ERC2: variants seen among roughly 807,000 people sequenced by gnomAD.
The protein encoded by ERC2 is ERC protein 2.
In ERC2, 42 loss-of-function variants were observed where a neutral mutation model predicts 114.8. The observed-to-expected ratio is 0.37, with a 90% CI of 0.29 to 0.47. The LOEUF (loss-of-function observed/expected upper bound fraction) is 0.47. ERC2 is among the 20% of genes least tolerant of loss of function. The pLI is 0.99. For synonymous variants in ERC2, 454 were observed against 425.5 expected, an observed-to-expected ratio of 1.07 and a Z score of -0.82; for missense variants, 939 against 1,150.7, an observed-to-expected ratio of 0.82 and a Z score of 2.66.
At chr3:56,001,643 TC>T (rs1395360448) in intron 10 of ERC2, among the ~76,000 whole-genome samples, 1 of 152,128 alleles carries the variant, frequency 6.6e-6, no homozygotes, top group Non-Finnish European at 1.5e-5. Context: ...CACTGATATT[TC>T]TAGAAATGGT....
intron 17 of ERC2, among the ~76,000 whole-genome samples, 184 bp from the exon 18 acceptor site, chr3:55,511,460 C>T (rs939422419): frequency 6.6e-6 from 1 of 152,094 alleles, no homozygotes. Context: ...ACAAAGGAAA[C>T]AGAAAGATAA....
intron 3 of ERC2, among the ~76,000 whole-genome samples, chr3:56,276,548 A>G (rs748488983): frequency 3.3e-5 from 5 of 151,838 alleles, no homozygotes; most frequent in Non-Finnish European, 7.4e-5. Context: ...AATATTTTTG[A>G]CTAAAGTAAC....
intron 2 of ERC2, among the ~76,000 whole-genome samples, chr3:56,402,696 C>G (rs2060566098): frequency 6.6e-6 from 1 of 152,162 alleles, no homozygotes. Context: ...ATTGTTTTAA[C>G]CTACACATAT....
At chr3:55,770,443 A>G (rs778505023) in intron 14 of ERC2, among the ~76,000 whole-genome samples, 2 of 152,214 alleles carry the variant, frequency 1.3e-5, no homozygotes, top group Non-Finnish European at 2.9e-5. Context: ...AATTGGTAAC[A>G]TCAGAGCTGT....
chr3:56,043,339 A>G (rs2075293908), intron 7 of ERC2, among the ~76,000 whole-genome samples: 1 of 152,210 alleles, frequency 6.6e-6, no homozygotes, highest in Admixed American at 6.5e-5. Context: ...CATTGAACAG[A>G]AAATGATTAA....
At chr3:55,832,534 T>C (rs1349511315) in intron 14 of ERC2, among the ~76,000 whole-genome samples, 1 of 152,228 alleles carries the variant, frequency 6.6e-6, no homozygotes, top group East Asian at 1.9e-4. Context: ...CCAACAGACC[T>C]GCAGCTGAGG....
intron 3 of ERC2, among the ~76,000 whole-genome samples, chr3:56,253,252 C>A (rs1052880762): frequency 6.6e-6 from 1 of 151,994 alleles, no homozygotes; most frequent in Non-Finnish European, 1.5e-5. Flanking sequence ...ACAAGTAATC[C>A]CAGCTTGGTA....
chr3:56,164,636 GT>G (rs2082231131), intron 4 of ERC2, among the ~76,000 whole-genome samples: 1 of 152,018 alleles, frequency 6.6e-6, no homozygotes, highest in Non-Finnish European at 1.5e-5. Context: ...AGGTCATGTG[GT>G]AACTCTATGT....
chr3:56,364,805 T>C (rs1422149547), intron 2 of ERC2, among the ~76,000 whole-genome samples: 1 of 152,236 alleles, frequency 6.6e-6, no homozygotes, highest in Non-Finnish European at 1.5e-5. Flanking sequence ...GGTGGTGGAA[T>C]GCCAGAAGGG....
At chr3:55,821,691 T>C (rs186295093) in intron 14 of ERC2, among the ~76,000 whole-genome samples, 131 of 152,338 alleles carry the variant, frequency 8.6e-4, no homozygotes, top group Middle Eastern at 3.4e-3. Flanking sequence ...GGGACCACCA[T>C]TCAGTCCTCA....
chr3:55,797,378 G>A (rs1040213378), intron 14 of ERC2, among the ~76,000 whole-genome samples: 3 of 152,128 alleles, frequency 2.0e-5, no homozygotes, highest in African/African-American at 7.2e-5. Flanking sequence ...CAAGTTGAAA[G>A]GGCTTAACAT....
intron 17 of ERC2, among the ~76,000 whole-genome samples, chr3:55,652,352 AT>A (rs200836331): frequency 9.9e-5 from 15 of 151,672 alleles, no homozygotes; most frequent in Non-Finnish European, 1.3e-4. Context: ...ATTTTATTTT[AT>A]TTTTTTTCCC....
intron 2 of ERC2, among the ~76,000 whole-genome samples, chr3:56,420,721 T>C (rs1177117354): frequency 4.9e-5 from 7 of 142,694 alleles, no homozygotes; most frequent in Admixed American, 2.8e-4. Context: ...CCGTCTCTAC[T>C]AAAAATACAA....
intron 14 of ERC2, among the ~76,000 whole-genome samples, chr3:55,815,883 T>C (rs948551408): frequency 2.0e-5 from 3 of 152,080 alleles, no homozygotes; most frequent in African/African-American, 7.2e-5. Context: ...AGTAAGCAGG[T>C]TACCACTCTA....
At chr3:55,513,183 T>C (rs2052220311) in intron 17 of ERC2, among the ~76,000 whole-genome samples, 2 of 152,330 alleles carry the variant, frequency 1.3e-5, no homozygotes, top group South Asian at 4.1e-4. Flanking sequence ...ATCCAGTCCA[T>C]AGTGCATTCC....
intron 17 of ERC2, among the ~76,000 whole-genome samples, chr3:55,512,878 G>GA (rs1416681496): frequency 2.0e-5 from 3 of 151,874 alleles, no homozygotes; most frequent in African/African-American, 7.2e-5. Context: ...TGGCTTTAAG[G>GA]AAAAAAAGAA....
chr3:56,081,086 A>G lies in ERC2; in HGVS notation c.1474-102T>C, dbSNP rs2077206911. The stretch of plus-strand genomic sequence containing the variant: ...AGGCAGGGCAGCAGCATGTTTACTG[A>G]GCAAGGCACAATGGAACCACTGCTC... On this transcript the variant is annotated intron_variant, in intron 6 of 17. Coordinates refer to ENST00000288221, the MANE Select transcript of ERC2 (RefSeq NM_015576.3). The G allele has an allele frequency of 2.4e-6, 3 of 1,265,700 alleles. No individual in the cohort carries two copies. In the South Asian group the frequency reaches 4.5e-5, roughly 19 times the overall value. The allele number at this position is 1,265,700 out of a possible 1,614,324, so 78.4% of individuals were successfully genotyped here.
At chr3:56,014,685 G>C (rs948555918) in intron 8 of ERC2, among the ~76,000 whole-genome samples, 1 of 151,382 alleles carries the variant, frequency 6.6e-6, no homozygotes, top group African/African-American at 2.4e-5. Flanking sequence ...ATCTTAATAG[G>C]GTCCAGAAAA....
At chr3:55,598,993 T>A (rs2058277592) in intron 17 of ERC2, among the ~76,000 whole-genome samples, 1 of 152,250 alleles carries the variant, frequency 6.6e-6, no homozygotes, top group Non-Finnish European at 1.5e-5. Flanking sequence ...GATTGGCAGC[T>A]ACTTGAAGAA....
Sources: allele counts gnomAD v4.1 joint callset (sites outside exome capture counted in the v4.1 genomes callset), GRCh38; gene constraint gnomAD v4.1.1; transcripts MANE v1.5; gene names NCBI Gene and HGNC (gene_info 2026-07-23, HGNC 2026-07-21).